AMOTL1: variants seen among roughly 807,000 people sequenced by gnomAD.
The protein encoded by AMOTL1 is angiomotin-like protein 1.
Under a neutral mutation model 102.9 loss-of-function variants are expected in AMOTL1, and 45 were observed. The ratio of observed to expected loss-of-function variants is 0.44; its 90% confidence interval spans 0.34 to 0.56. The LOEUF is 0.56. Ranked by LOEUF, AMOTL1 falls within the 20% of genes least tolerant of loss-of-function variation. The pLI is 0.01. For missense variants in AMOTL1, 1,114 were observed against 1,225.6 expected (o/e 0.91, Z 1.36); for synonymous variants, 481 against 484.7 (o/e 0.99, Z 0.10).
intron 3 of AMOTL1, among the ~76,000 whole-genome samples, chr11:94,757,080 A>T (rs959875890): frequency 1.3e-5 from 2 of 151,986 alleles, no homozygotes; most frequent in African/African-American, 4.8e-5. Flanking sequence ...TCAAATCAAG[A>T]TGATAATTAT....
chr11:94,798,561 C>T (rs1951409537), intron 2 of AMOTL1, among the ~76,000 whole-genome samples: 1 of 152,046 alleles, frequency 6.6e-6, no homozygotes, highest in South Asian at 2.1e-4. Context: ...GACTCAGGGC[C>T]ATCGTCTGGC....
At chr11:94,779,422 T>C (rs977415282) in intron 1 of AMOTL1, among the ~76,000 whole-genome samples, 6 of 152,200 alleles carry the variant, frequency 3.9e-5, no homozygotes, top group Admixed American at 3.9e-4. Context: ...ATAATACAAG[T>C]ACGCAAGATA....
chr11:94,749,952 A>G (rs1316877375), intron 3 of AMOTL1, among the ~76,000 whole-genome samples: 3 of 152,212 alleles, frequency 2.0e-5, no homozygotes, highest in Non-Finnish European at 4.4e-5. Flanking sequence ...GTTCTAAGAC[A>G]AATGTAAAGT....
chr11:94,782,423 T>C (rs1384560154), intron 1 of AMOTL1, among the ~76,000 whole-genome samples: 3 of 152,242 alleles, frequency 2.0e-5, no homozygotes, highest in Admixed American at 2.0e-4. Context: ...AAATGGGATT[T>C]TGTTGATATT....
At chr11:94,830,364 T>C (rs946931844) in intron 5 of AMOTL1, among the ~76,000 whole-genome samples, 170 bp downstream of exon 5, 1 of 152,218 alleles carries the variant, frequency 6.6e-6, no homozygotes, top group African/African-American at 2.4e-5. Context: ...AAAAGCAGAA[T>C]TGTTCTTTTC....
chr11:94,861,786 C>T (rs953349002), intron 9 of AMOTL1, among the ~76,000 whole-genome samples: 6 of 152,132 alleles, frequency 3.9e-5, no homozygotes, highest in Non-Finnish European at 7.4e-5. Context: ...GGGTTTATCA[C>T]GTTAGATGTC....
At chr11:94,778,993 C>T (rs1009483676) in intron 1 of AMOTL1, among the ~76,000 whole-genome samples, 6 of 152,060 alleles carry the variant, frequency 3.9e-5, no homozygotes, top group Admixed American at 2.6e-4. Flanking sequence ...TTGGAAGTCA[C>T]GTAGGGTTAC....
At chr11:94,832,149 T>C (rs1013920714) in intron 6 of AMOTL1, among the ~76,000 whole-genome samples, 1 of 152,232 alleles carries the variant, frequency 6.6e-6, no homozygotes, top group Non-Finnish European at 1.5e-5. Context: ...TGAGAAACCA[T>C]TGGTCAAGGT....
chr11:94,803,646 T>C (rs1951519048), intron 3 of AMOTL1, among the ~76,000 whole-genome samples: 1 of 152,230 alleles, frequency 6.6e-6, no homozygotes, highest in South Asian at 2.1e-4. Context: ...TATGACTCTT[T>C]GTGGAAACAG....
chr11:94,808,644 T>G (rs1251672377), intron 3 of AMOTL1, among the ~76,000 whole-genome samples: 1 of 152,224 alleles, frequency 6.6e-6, no homozygotes, highest in Non-Finnish European at 1.5e-5. Flanking sequence ...TGATGCTCAC[T>G]GAAATCTGGA....
chr11:94,711,786 G>A (rs891294268), intron 1 of AMOTL1, among the ~76,000 whole-genome samples: 3 of 152,038 alleles, frequency 2.0e-5, no homozygotes. Context: ...TTGTTACTGT[G>A]TTGTATTGAA....
intron 6 of AMOTL1, among the ~76,000 whole-genome samples, chr11:94,835,738 C>T (rs1276140522): frequency 6.6e-6 from 1 of 152,190 alleles, no homozygotes; most frequent in Non-Finnish European, 1.5e-5. Context: ...GCAGGTTCAA[C>T]ATATCTGGTT....
intron 2 of AMOTL1, among the ~76,000 whole-genome samples, chr11:94,797,246 G>C (rs1591975337): frequency 6.6e-6 from 1 of 152,234 alleles, no homozygotes; most frequent in Admixed American, 6.5e-5. Context: ...TTGAGGCTCA[G>C]GGAGGGAAAG....
At chr11:94,747,103 C>T (rs1042771676) in intron 3 of AMOTL1, among the ~76,000 whole-genome samples, 4 of 152,022 alleles carry the variant, frequency 2.6e-5, no homozygotes, top group African/African-American at 9.7e-5. Context: ...TTTCTTAAAA[C>T]TTGAAGTTTT....
At chr11:94,827,282 A>G (rs572403739) in intron 4 of AMOTL1, among the ~76,000 whole-genome samples, 23 of 152,302 alleles carry the variant, frequency 1.5e-4, no homozygotes, top group African/African-American at 5.3e-4. Context: ...TAGCTAAGGA[A>G]GCCTCGCTAG....
Position 94,871,470 on chromosome 11 carries a change from T to C in AMOTL1, c.*675T>C, listed in dbSNP as rs1458695820. ...CCATCCATCCTAACTTCTGAGTTCA[T>C]CTCTGTCTCTGCTTTACAGTCTTTA... On this transcript the variant is annotated 3_prime_UTR_variant, in exon 13 of 13. Transcript: ENST00000433060. The C allele has an allele frequency of 6.6e-6, 1 of 152,226 alleles. No individual in the cohort carries two copies. The highest frequency in any genetic ancestry group is 1.5e-5 in the Non-Finnish European group (1 of 68,044). 9.4% of individuals were successfully genotyped at this position (152,226 alleles called of 1,614,324 possible). A position where few individuals can be genotyped will look rare whatever the true frequency, so the allele number is the denominator to read the frequency against.
At chr11:94,765,629 G>A (rs1950846725), upstream of AMOTL1, among the ~76,000 whole-genome samples, 1 of 152,186 alleles carries the variant, frequency 6.6e-6, no homozygotes, top group Non-Finnish European at 1.5e-5. Context: ...CCACCTGATT[G>A]AATCAGAAGA....
At chr11:94,830,301 G>C in intron 5 of AMOTL1, 107 bp downstream of exon 5, 2 of 1,075,498 alleles carry the variant, frequency 1.9e-6, no homozygotes, top group Non-Finnish European at 2.6e-6. Context: ...TGGTCTACCT[G>C]TGTTGGATAA....
chr11:94,852,260 C>T (rs1410864255), intron 7 of AMOTL1, among the ~76,000 whole-genome samples: 1 of 152,216 alleles, frequency 6.6e-6, no homozygotes, highest in Admixed American at 6.5e-5. Flanking sequence ...TAAAGTTGCT[C>T]TCTCCTCCTT....
Sources: gnomAD v4.1 joint callset for allele counts (sites outside exome capture counted in the v4.1 genomes callset) on GRCh38, gnomAD v4.1.1 for gene constraint, MANE v1.5 for transcripts, NCBI Gene and HGNC (gene_info 2026-07-23, HGNC 2026-07-21) for gene names.